Variants in VPS41 observed in about 807,000 individuals in gnomAD.
The protein encoded by VPS41 is VPS41 subunit of HOPS complex.
VPS41 carries 85 observed loss-of-function variants against 130.9 expected under a neutral mutation model. The ratio of observed to expected loss-of-function variants is 0.65; its 90% CI spans 0.55 to 0.78. The LOEUF (loss-of-function observed/expected upper bound fraction) is 0.78, where lower values mean the gene tolerates loss of function less well. Ranked by LOEUF, VPS41 falls within the 30% of genes least tolerant of loss-of-function variation. The pLI is 0.00. For missense variants in VPS41, 874 were observed against 1,018.7 expected, an observed-to-expected ratio of 0.86 and a Z score of 1.93; for synonymous variants, 335 against 332.9, an observed-to-expected ratio of 1.01 and a Z score of -0.07.
chr7:38,851,798 A>G (rs774137251), intron 4 of VPS41, among the ~76,000 whole-genome samples: 3 of 152,246 alleles, frequency 2.0e-5, no homozygotes, highest in Admixed American at 6.5e-5. Flanking sequence ...TAGTTCCTCC[A>G]CATCCTAACC....
intron 7 of VPS41, among the ~76,000 whole-genome samples, chr7:38,797,197 G>A (rs1011616991): frequency 3.9e-5 from 6 of 152,134 alleles, no homozygotes; most frequent in African/African-American, 7.2e-5. Context: ...ATGATTGTCC[G>A]GGAACTAATT....
At chr7:38,843,392 T>C (rs1370519158) in intron 4 of VPS41, among the ~76,000 whole-genome samples, 4 of 152,162 alleles carry the variant, frequency 2.6e-5, no homozygotes. Context: ...CCTTTAAAAC[T>C]GAATGACTGG....
chr7:38,898,020 G>A (rs199644418), intron 2 of VPS41, 71 bp downstream of exon 2: 10 of 1,420,446 alleles, frequency 7.0e-6, no homozygotes, highest in Non-Finnish European at 8.9e-6. Context: ...GTTGCATTTA[G>A]CAAAGAAGCG....
At chr7:38,891,245 A>C (rs1786860222) in intron 2 of VPS41, among the ~76,000 whole-genome samples, 1 of 152,182 alleles carries the variant, frequency 6.6e-6, no homozygotes, top group Non-Finnish European at 1.5e-5. Context: ...ATAAAGATGA[A>C]TATGTTTTGC....
chr7:38,784,314 T>C (rs906586835), intron 10 of VPS41, among the ~76,000 whole-genome samples: 1 of 152,178 alleles, frequency 6.6e-6, no homozygotes, highest in Non-Finnish European at 1.5e-5. Flanking sequence ...TCTGAAGTCC[T>C]ATTTTTCCCA....
intron 17 of VPS41, 46 bp downstream of exon 17, chr7:38,763,409 C>A (rs371048725): frequency 3.0e-6 from 4 of 1,317,650 alleles, no homozygotes; most frequent in African/African-American, 3.0e-5. Flanking sequence ...TTTCCTAACA[C>A]CTCCCATCGA....
chr7:38,802,945 G>A (rs957498923), intron 7 of VPS41, among the ~76,000 whole-genome samples: 2 of 152,214 alleles, frequency 1.3e-5, no homozygotes, highest in Non-Finnish European at 2.9e-5. Flanking sequence ...TACATAGAGA[G>A]GAAAAGCTGT....
chr7:38,887,784 G>C (rs1344005467), intron 2 of VPS41, among the ~76,000 whole-genome samples: 1 of 152,164 alleles, frequency 6.6e-6, no homozygotes, highest in Non-Finnish European at 1.5e-5. Flanking sequence ...AGAGAGAAAG[G>C]TCAGGTCACC....
intron 26 of VPS41, 36 bp from the exon 27 acceptor site, chr7:38,728,622 G>A (rs756830304): frequency 3.1e-6 from 5 of 1,613,890 alleles, no homozygotes; most frequent in Non-Finnish European, 4.2e-6. Flanking sequence ...ATTATGCCCT[G>A]TTTATACCTG....
At position 38,831,182 on chromosome 7, in the gene VPS41, G is replaced by A. The variant is rs185904381; in HGVS notation, c.247-854C>T. The A allele has an allele frequency of 5.1e-5, 24 of 469,404 alleles. No individual in the cohort carries two copies. In the East Asian group the frequency reaches 7.0e-4, roughly 14 times the overall value. 29.1% of individuals were successfully genotyped at this position (469,404 alleles called of 1,614,324 possible). ...ATCAAACTACATTTTTTTAAATATC[G>A]ATTTTAGTCTTGGCAAATATAAACT... On this transcript the variant is annotated intron_variant, in intron 4 of 28. Transcript: ENST00000310301.
rs1457620034 is a variant in VPS41, at chr7:38,776,672, T to C, written c.882+7A>G. ...CATGCCTTTGTATCTGGGGAGAAAA[T>C]AATTACCGTTTTTTCTGAAATCTCC... is the stretch of plus-strand genomic sequence containing the variant. On this transcript the variant is annotated splice_region_variant and intron_variant, in intron 11 of 28. Coordinates refer to ENST00000310301, the MANE Select transcript of VPS41 (RefSeq NM_014396.4). 2.6e-6 allele frequency: 4 copies of C among 1,560,858 alleles called. No homozygotes were observed. Among genetic ancestry groups the C allele is most frequent in the African/African-American group, 1.4e-5 (1 of 73,746 alleles).
At chr7:38,872,811 A>C (rs10258065) in intron 2 of VPS41, among the ~76,000 whole-genome samples, 43,288 of 151,946 alleles carry the variant, frequency 0.28, 7,205 homozygotes, top group Non-Finnish European at 0.39. Flanking sequence ...ACTTATGTAA[A>C]TACAAGCAAG....
chr7:38,893,678 A>G (rs532633981), intron 2 of VPS41, among the ~76,000 whole-genome samples: 1 of 152,368 alleles, frequency 6.6e-6, no homozygotes, highest in East Asian at 1.9e-4. Flanking sequence ...CTGTAAATGC[A>G]GGACCCTTAA....
chr7:38,827,098 G>A (rs1003113511), intron 5 of VPS41, among the ~76,000 whole-genome samples: 4 of 152,174 alleles, frequency 2.6e-5, no homozygotes, highest in East Asian at 1.9e-4. Context: ...GATTACAGGC[G>A]TGAGCCACTG....
At chr7:38,832,790 C>T (rs1360264496) in intron 4 of VPS41, among the ~76,000 whole-genome samples, 2 of 152,064 alleles carry the variant, frequency 1.3e-5, no homozygotes, top group Non-Finnish European at 2.9e-5. Flanking sequence ...GTCCTTGCAC[C>T]TCTTCTTTTT....
chr7:38,769,447 TG>T, intron 14 of VPS41, among the ~76,000 whole-genome samples: 1 of 152,350 alleles, frequency 6.6e-6, no homozygotes. Context: ...ATGTGTCCTG[TG>T]CAGAAACTGA....
intron 2 of VPS41, among the ~76,000 whole-genome samples, chr7:38,871,090 C>A (rs957517123): frequency 6.6e-6 from 1 of 152,116 alleles, no homozygotes; most frequent in African/African-American, 2.4e-5. Context: ...TGGAAAGGAA[C>A]AAGAGCAACA....
chr7:38,738,853 T>C (rs1795825728), intron 25 of VPS41, among the ~76,000 whole-genome samples: 1 of 152,240 alleles, frequency 6.6e-6, no homozygotes, highest in African/African-American at 2.4e-5. Context: ...AATTAAACAC[T>C]GCTGATGTAG....
chr7:38,790,229 A>G (rs1784511389), intron 9 of VPS41, among the ~76,000 whole-genome samples: 1 of 152,206 alleles, frequency 6.6e-6, no homozygotes, highest in Admixed American at 6.5e-5. Context: ...TGGTATGGAA[A>G]ATTCTAAAAT....
Sources: gnomAD v4.1 joint callset for allele counts (sites outside exome capture counted in the v4.1 genomes callset) on GRCh38, gnomAD v4.1.1 for gene constraint, MANE v1.5 for transcripts, NCBI Gene and HGNC (gene_info 2026-07-23, HGNC 2026-07-21) for gene names.